Variants in SEMA5B observed in about 807,000 individuals in gnomAD.
The protein encoded by SEMA5B is semaphorin-5B.
In SEMA5B, 66 loss-of-function variants were observed where a neutral mutation model predicts 135.0. The observed-to-expected ratio is 0.49, with a 90% CI of 0.40 to 0.60. SEMA5B has a LOEUF of 0.60. Among genes scored for constraint, SEMA5B ranks in the 20% least tolerant of loss-of-function variants. The probability of loss-of-function intolerance (pLI) is 0.00; values close to 1 mark genes in which losing one functional copy is unlikely to be tolerated. For missense variants in SEMA5B, 1,501 were observed against 1,566.3 expected, an observed-to-expected ratio of 0.96 and a Z score of 0.70; for synonymous variants, 690 against 639.5, an observed-to-expected ratio of 1.08 and a Z score of -1.19.
rs528208242 is a variant in SEMA5B at position 122,964,993 on chromosome 3, G to T, written c.-38-3692C>A. 2.6e-5 allele frequency among the ~76,000 whole-genome samples: 4 copies of T among 152,344 alleles called. No homozygotes were observed. The East Asian group carries it at 7.7e-4, about 29-fold the overall frequency. ...CTCCTGGCTGAGTCAGGGAGGGAGG[G>T]TGAGGAGGCTGGTGTTTGATTCCAT... On this transcript the variant is annotated intron_variant, in intron 1 of 22. Transcript: ENST00000357599.
chr3:122,954,770 A>T (rs1940206394), intron 2 of SEMA5B, among the ~76,000 whole-genome samples: 1 of 149,830 alleles, frequency 6.7e-6, no homozygotes, highest in Admixed American at 6.6e-5. Context: ...ACAGAAAAAT[A>T]TGGGCCCTGT....
intron 1 of SEMA5B, among the ~76,000 whole-genome samples, chr3:122,977,882 T>C (rs975414752): frequency 1.3e-5 from 2 of 152,236 alleles, no homozygotes; most frequent in South Asian, 4.1e-4. Context: ...AAGGGCTCCA[T>C]GGGCCCACTT....
chr3:122,988,881 G>A (rs749500154), intron 1 of SEMA5B, among the ~76,000 whole-genome samples: 6 of 152,198 alleles, frequency 3.9e-5, no homozygotes, highest in African/African-American at 9.7e-5. Flanking sequence ...GTAAGCATTC[G>A]GTAAAAGTTG....
At chr3:122,928,744 T>C in intron 6 of SEMA5B, 129 bp from the exon 7 acceptor site, 1 of 776,118 alleles carries the variant, frequency 1.3e-6, no homozygotes, top group Non-Finnish European at 2.1e-6. Context: ...CAGATCCACC[T>C]GTCCCGACGT....
At chr3:123,019,375 C>T (rs1471590649) in intron 1 of SEMA5B, among the ~76,000 whole-genome samples, 1 of 152,110 alleles carries the variant, frequency 6.6e-6, no homozygotes, top group Admixed American at 6.5e-5. Flanking sequence ...GGAGGTAGAT[C>T]ACTTGAGCCC....
chr3:123,014,061 A>G (rs769617407), intron 1 of SEMA5B, among the ~76,000 whole-genome samples: 2 of 152,242 alleles, frequency 1.3e-5, no homozygotes, highest in African/African-American at 2.4e-5. Context: ...TGGCCGGGAC[A>G]CACATCTAGG....
intron 1 of SEMA5B, among the ~76,000 whole-genome samples, chr3:122,962,835 AC>A (rs1292976553): frequency 1.3e-5 from 2 of 151,066 alleles, no homozygotes; most frequent in East Asian, 1.9e-4. Context: ...CAACCCCCTG[AC>A]CCCCCATGAA....
At chr3:122,976,118 C>T in intron 1 of SEMA5B, 1 of 1,535,340 alleles carries the variant, frequency 6.5e-7, no homozygotes, top group Non-Finnish European at 8.7e-7. Context: ...CTGACAGATG[C>T]AGCATGTGGT....
chr3:122,982,475 G>A (rs1941549272), intron 1 of SEMA5B, among the ~76,000 whole-genome samples: 1 of 152,224 alleles, frequency 6.6e-6, no homozygotes, highest in African/African-American at 2.4e-5. Flanking sequence ...TAGCTTAAAT[G>A]GTTTGGGATT....
chr3:122,913,895 C>T lies in SEMA5B; in HGVS notation c.2095G>A (p.Gly699Arg). 1 of 1,612,374 alleles carries T rather than the reference C, an allele frequency of 6.2e-7. No individual in the cohort carries two copies. The highest frequency in any genetic ancestry group is 8.5e-7 in the Non-Finnish European group (1 of 1,179,458). Residue 699 changes from glycine to arginine, a missense_variant, in exon 15 of 23, where the codon GGG becomes AGG. By Grantham distance (125) the Gly-to-Arg change is moderately radical. Transcript: ENST00000357599. ...CTCTTGCCCACGCAGATGCGGCCCCCGTGGCGGGGAGCAGGGTTGCTGCAA... is the reference window on the plus strand; with the variant it reads ...CTCTTGCCCACGCAGATGCGGCCCCTGTGGCGGGGAGCAGGGTTGCTGCAA... ...RSCSNPAPRH[G>R]GRICVGKSRE...
At chr3:123,003,086 G>A (rs1942222210) in intron 1 of SEMA5B, among the ~76,000 whole-genome samples, 1 of 152,004 alleles carries the variant, frequency 6.6e-6, no homozygotes, top group African/African-American at 2.4e-5. Flanking sequence ...GCAGATGGCT[G>A]AGTTCAAGTC....
intron 2 of SEMA5B, among the ~76,000 whole-genome samples, chr3:122,959,347 G>A (rs1360332785): frequency 2.6e-5 from 4 of 152,116 alleles, no homozygotes; most frequent in Admixed American, 2.0e-4. Flanking sequence ...CCAGGCAGTC[G>A]GGCTCAGGAG....
chr3:122,925,100 C>T (rs546667938), intron 9 of SEMA5B, among the ~76,000 whole-genome samples: 3 of 152,134 alleles, frequency 2.0e-5, no homozygotes, highest in Non-Finnish European at 4.4e-5. Context: ...CGGTCCACCC[C>T]CTCACACTGT....
chr3:123,028,267 G>C (rs535432137), upstream of SEMA5B, among the ~76,000 whole-genome samples: 212 of 152,330 alleles, frequency 1.4e-3, 1 homozygote, highest in African/African-American at 4.9e-3. Flanking sequence ...AAGGGACCTC[G>C]TGTAAAACGG....
At chr3:122,992,333 C>T (rs758626660) in intron 1 of SEMA5B, among the ~76,000 whole-genome samples, 2 of 152,142 alleles carry the variant, frequency 1.3e-5, no homozygotes, top group Non-Finnish European at 2.9e-5. Flanking sequence ...ATGATGACAG[C>T]GTGGGAGGAG....
intron 1 of SEMA5B, among the ~76,000 whole-genome samples, chr3:122,994,267 G>A (rs80222977): frequency 0.022 from 3,377 of 152,194 alleles, 104 homozygotes; most frequent in East Asian, 0.16. Context: ...ATATTCCACA[G>A]CCTCTCGTCT....
At chr3:122,955,164 A>G (rs1257255561) in intron 2 of SEMA5B, among the ~76,000 whole-genome samples, 1 of 151,308 alleles carries the variant, frequency 6.6e-6, no homozygotes, top group East Asian at 1.9e-4. Context: ...CGTGACCTTT[A>G]GCCATATGCT....
chr3:122,982,495 T>G (rs1351973062), intron 1 of SEMA5B, among the ~76,000 whole-genome samples: 1 of 152,258 alleles, frequency 6.6e-6, no homozygotes. Flanking sequence ...TGTTTGCTAC[T>G]TTGCATGATT....
At chr3:122,989,182 T>A (rs373077607) in intron 1 of SEMA5B, among the ~76,000 whole-genome samples, 95 of 152,342 alleles carry the variant, frequency 6.2e-4, no homozygotes, top group African/African-American at 2.1e-3. Flanking sequence ...TTGGAATCCC[T>A]AAACTTATGA....
Sources: allele counts gnomAD v4.1 joint callset (sites outside exome capture counted in the v4.1 genomes callset), GRCh38; gene constraint gnomAD v4.1.1; transcripts MANE v1.5; gene names NCBI Gene and HGNC (gene_info 2026-07-23, HGNC 2026-07-21).